CLCN1: variants seen among roughly 807,000 people sequenced by gnomAD.
CLCN1 encodes chloride voltage-gated channel 1.
CLCN1 carries 100 observed loss-of-function variants against 114.5 expected under a neutral mutation model. That is an observed-to-expected ratio of 0.87 (90% CI 0.74 to 1.03). CLCN1 has a LOEUF of 1.03. Ranked by LOEUF, CLCN1 falls within the 50% of genes least tolerant of loss-of-function variation. CLCN1 has a pLI of 0.00. For missense variants in CLCN1, 1,188 were observed against 1,250.0 expected, an observed-to-expected ratio of 0.95 and a Z score of 0.75; for synonymous variants, 485 against 487.1, an observed-to-expected ratio of 1.00 and a Z score of 0.06.
chr7:143,339,451 A>AAACAGAGAGCAAGG lies in CLCN1; in HGVS notation c.1472-57_1472-56insAGAGAGCAAGGAAC, dbSNP rs2116865062. The AAACAGAGAGCAAGG allele has an allele frequency of 3.4e-6, 5 of 1,464,876 alleles. No homozygotes were observed. In the Admixed American group the frequency reaches 5.0e-5, roughly 15 times the overall value. The allele number at this position is 1,464,876 out of a possible 1,614,324, so 90.7% of individuals were successfully genotyped here. A position where few individuals can be genotyped will look rare whatever the true frequency, so the allele number is the denominator to read the frequency against. On this transcript the variant is annotated intron_variant, in intron 13 of 22. Transcript: ENST00000343257. The surrounding 1 kb of genome is among the most constrained non-coding windows in gnomAD (Gnocchi z 4.1). ...ATGCCCAAGGAGAGATTGGTTCTGA[A>AAACAGAGAGCAAGG]AACTGAGAGCAAGGAACTTGGATCT...
intron 12 of CLCN1, among the ~76,000 whole-genome samples, chr7:143,333,082 T>C (rs1802773771): frequency 6.6e-6 from 1 of 152,176 alleles, no homozygotes; most frequent in Non-Finnish European, 1.5e-5. Context: ...GTGGATCACT[T>C]GATGCCAGGA....
intron 16 of CLCN1, among the ~76,000 whole-genome samples, chr7:143,344,030 G>A (rs576002169): frequency 6.9e-4 from 105 of 152,222 alleles, no homozygotes; most frequent in Non-Finnish European, 1.2e-3. Flanking sequence ...AGTAGAGACG[G>A]GGTTTCACCA....
At chr7:143,340,327 T>A (rs934271484) in intron 14 of CLCN1, among the ~76,000 whole-genome samples, 3 of 152,200 alleles carry the variant, frequency 2.0e-5, no homozygotes, top group Admixed American at 1.3e-4. Context: ...TAGACTCTTG[T>A]TCTCCATCTT....
At chr7:143,320,552 T>TC (rs1802396710) in intron 2 of CLCN1, 112 bp from the exon 3 acceptor site, 14 of 910,814 alleles carry the variant, frequency 1.5e-5, no homozygotes, top group Non-Finnish European at 1.8e-5. Flanking sequence ...GTTAGCTGCT[T>TC]TTCTCTCTCT....
chr7:143,328,443 CCTCTTAGCTGCA>C (rs1563077478), intron 7 of CLCN1, among the ~76,000 whole-genome samples: 1 of 152,094 alleles, frequency 6.6e-6, no homozygotes, highest in East Asian at 1.9e-4. Context: ...TGCTTTGTTT[CCTCTTAGCTGCA>C]CATTTTATGT....
Position 143,350,657 on chromosome 7 carries a change from A to T in CLCN1, c.2595+3A>T. The T allele has an allele frequency of 6.2e-7, 1 of 1,612,278 alleles. No individual in the cohort carries two copies. Among genetic ancestry groups the T allele is most frequent in the Non-Finnish European group, 8.5e-7 (1 of 1,178,382 alleles). On this transcript the variant is annotated splice_donor_region_variant and intron_variant, in intron 22 of 22. Transcript: ENST00000343257. This position sits in a 1 kb window ranked among gnomAD's most constrained non-coding sequence, Gnocchi z 5.1. The stretch of plus-strand genomic sequence containing the variant: ...GGGGCGTCCTGGCCCTGGAGGAGGT[A>T]ATCACGATGTGTCCCATTTGAGCAG...
intron 5 of CLCN1, among the ~76,000 whole-genome samples, chr7:143,322,366 G>C (rs1802464301): frequency 6.6e-6 from 1 of 152,146 alleles, no homozygotes; most frequent in South Asian, 2.1e-4. Flanking sequence ...GTGGGTTGCA[G>C]CCTCCTTCCG....
intron 14 of CLCN1, among the ~76,000 whole-genome samples, chr7:143,340,773 TC>T (rs1346313215): frequency 8.5e-5 from 13 of 152,286 alleles, no homozygotes; most frequent in Admixed American, 8.5e-4. Flanking sequence ...CCTCAAGTCA[TC>T]CACCTGTCTC....
At chr7:143,329,856 C>A (rs1414910773) in intron 7 of CLCN1, among the ~76,000 whole-genome samples, 19 of 145,840 alleles carry the variant, frequency 1.3e-4, no homozygotes, top group Non-Finnish European at 4.5e-5. Context: ...TTAAAGTCCA[C>A]CCCCCCTTAT....
intron 19 of CLCN1, 26 bp from the exon 20 acceptor site, chr7:143,346,885 C>T: frequency 6.8e-6 from 11 of 1,610,900 alleles, no homozygotes; most frequent in Non-Finnish European, 9.3e-6. Flanking sequence ...AGGGAAAGAA[C>T]TTGGACCTAT....
rs1802368371 is a variant in CLCN1 at position 143,319,405 on chromosome 7, C to T, written c.181-350C>T. Among the ~76,000 whole-genome samples, 4 of 152,222 alleles carry T rather than the reference C, an allele frequency of 2.6e-5. No homozygotes were observed. The South Asian group carries it at 6.2e-4, about 24-fold the overall frequency. On this transcript the variant is annotated intron_variant, in intron 1 of 22. Coordinates refer to ENST00000343257, the MANE Select transcript of CLCN1 (RefSeq NM_000083.3). ...GTGGGACATACAGAAAGCGCAGTGA[C>T]ACAAAACACCTGATTGATATGGCCA...
intron 10 of CLCN1, 132 bp from the exon 11 acceptor site, chr7:143,332,287 G>A: frequency 1.2e-6 from 1 of 812,746 alleles, no homozygotes; most frequent in South Asian, 1.4e-5. Flanking sequence ...GGTTTTTTGT[G>A]TGAAGAGAAT....
intron 12 of CLCN1, among the ~76,000 whole-genome samples, chr7:143,338,793 CA>C (rs535268770): frequency 0.23 from 17,587 of 77,726 alleles, 1,066 homozygotes; most frequent in Middle Eastern, 0.39. Context: ...GACCCTGTCT[CA>C]AAAAAAAAAA....
intron 12 of CLCN1, among the ~76,000 whole-genome samples, chr7:143,336,690 CTT>C (rs1195032701): frequency 6.9e-6 from 1 of 145,542 alleles, no homozygotes; most frequent in Non-Finnish European, 1.5e-5. Context: ...AGAAGAAAGT[CTT>C]GGGAGTTATT....
At chr7:143,346,049 C>T (rs1803233990) in intron 17 of CLCN1, 91 bp from the exon 18 acceptor site, 4 of 939,468 alleles carry the variant, frequency 4.3e-6, no homozygotes, top group Admixed American at 3.6e-5. Flanking sequence ...GAATAGAGTT[C>T]GCTTTCCCAG....
intron 7 of CLCN1, among the ~76,000 whole-genome samples, chr7:143,327,073 C>CCATCT (rs1477361517): frequency 6.6e-6 from 1 of 151,938 alleles, no homozygotes; most frequent in Admixed American, 6.6e-5. Flanking sequence ...TGGTGAAACC[C>CCATCT]CATCTCTATT....
intron 20 of CLCN1, among the ~76,000 whole-genome samples, chr7:143,349,896 A>T (rs1803349339): frequency 6.6e-6 from 1 of 152,208 alleles, no homozygotes; most frequent in South Asian, 2.1e-4. Context: ...AGCACATCTG[A>T]TTGGGAGAGT....
At chr7:143,316,437 CAG>C in intron 1 of CLCN1, 45 bp downstream of exon 1, 1 of 1,544,428 alleles carries the variant, frequency 6.5e-7, no homozygotes, top group East Asian at 2.3e-5. Context: ...TGAGGGGAGA[CAG>C]TGGTGCCAGA....
chr7:143,316,566 C>T (rs1455776665), intron 1 of CLCN1, among the ~76,000 whole-genome samples, 174 bp downstream of exon 1: 4 of 152,228 alleles, frequency 2.6e-5, no homozygotes, highest in Admixed American at 2.6e-4. Context: ...AGTCTGGGCT[C>T]ACTTAAGTAT....
Sources: gnomAD v4.1 joint callset for allele counts (sites outside exome capture counted in the v4.1 genomes callset) on GRCh38, gnomAD v4.1.1 for gene constraint, Gnocchi (gnomAD v3.1) non-coding constraint, MANE v1.5 for transcripts, NCBI Gene and HGNC (gene_info 2026-07-23, HGNC 2026-07-21) for gene names.